Variants in RPS6KA2 observed in about 807,000 individuals in gnomAD.
RPS6KA2 encodes ribosomal protein S6 kinase A2, also known as ribosomal protein S6 kinase alpha-2.
In RPS6KA2, 42 loss-of-function variants were observed where a neutral mutation model predicts 91.8. The ratio of observed to expected loss-of-function variants is 0.46; its 90% CI spans 0.36 to 0.59. RPS6KA2 has a LOEUF of 0.59. Among genes scored for constraint, RPS6KA2 ranks in the 20% least tolerant of loss-of-function variants. The probability of loss-of-function intolerance (pLI) is 0.00; values close to 1 mark genes in which losing one functional copy is unlikely to be tolerated. For missense variants in RPS6KA2, 798 were observed against 978.5 expected, an observed-to-expected ratio of 0.82 and a Z score of 2.46; for synonymous variants, 414 against 393.6, an observed-to-expected ratio of 1.05 and a Z score of -0.61.
chr6:166,586,592 A>G (rs1785183547), intron 1 of RPS6KA2: 8 of 964,814 alleles, frequency 8.3e-6, no homozygotes, highest in Non-Finnish European at 1.2e-5. Context: ...AGACACTGAG[A>G]AGCCCAGGAG....
In RPS6KA2 at chr6:166,783,095, A is replaced by G. The variant is rs370184338; in HGVS notation, c.123+75105T>C. 1.6e-4 allele frequency among the ~76,000 whole-genome samples: 14 copies of G among 89,918 alleles called. 1 individual carries two copies. The highest frequency in any genetic ancestry group is 4.7e-4 in the African/African-American group (12 of 25,420). The allele number at this position is 89,918 out of a possible 152,430, so 59.0% of individuals were successfully genotyped here. A position where few individuals can be genotyped will look rare whatever the true frequency, so the allele number is the denominator to read the frequency against. ...TATTATTATTATTATTATTATTATTATTATTGTTTTTGAGACAGGGCCTCT... is the reference window on the plus strand; with the variant it reads ...TATTATTATTATTATTATTATTATTGTTATTGTTTTTGAGACAGGGCCTCT... On this transcript the variant is annotated intron_variant, in intron 2 of 21. Coordinates refer to the RPS6KA2 transcript ENST00000503859.
At chr6:166,796,659 C>T (rs1779233087) in intron 2 of RPS6KA2, among the ~76,000 whole-genome samples, 1 of 152,218 alleles carries the variant, frequency 6.6e-6, no homozygotes, top group African/African-American at 2.4e-5. Context: ...ATTGGAGCCT[C>T]TCTCCTCTCC....
intron 14 of RPS6KA2, among the ~76,000 whole-genome samples, chr6:166,446,921 C>G (rs1471674001): frequency 6.6e-6 from 1 of 151,204 alleles, no homozygotes; most frequent in Non-Finnish European, 1.5e-5. Flanking sequence ...TGTAGGCTTA[C>G]GAAGCACATG....
At chr6:166,474,514 G>A (rs570261595) in intron 10 of RPS6KA2, among the ~76,000 whole-genome samples, 1 of 152,306 alleles carries the variant, frequency 6.6e-6, no homozygotes, top group African/African-American at 2.4e-5. Flanking sequence ...AGAAGCTACA[G>A]ATGCTCATTA....
chr6:166,827,075 T>C (rs1226862519), intron 2 of RPS6KA2, among the ~76,000 whole-genome samples: 1 of 151,862 alleles, frequency 6.6e-6, no homozygotes, highest in Non-Finnish European at 1.5e-5. Flanking sequence ...TTATGTAGGA[T>C]GATAAGTTGT....
At chr6:166,532,844 A>AGTGTGT (rs369394546) in intron 2 of RPS6KA2, among the ~76,000 whole-genome samples, 4 of 149,480 alleles carry the variant, frequency 2.7e-5, no homozygotes, top group Admixed American at 6.6e-5. Context: ...AGAGAGAGAG[A>AGTGTGT]GTGTGTGTGT....
intron 2 of RPS6KA2, among the ~76,000 whole-genome samples, chr6:166,838,683 T>G (rs1780381747): frequency 6.6e-6 from 1 of 152,196 alleles, no homozygotes; most frequent in Non-Finnish European, 1.5e-5. Context: ...GTGTCAGTCT[T>G]GTTTTCTTGC....
At chr6:166,516,451 C>T (rs917520231) in intron 3 of RPS6KA2, among the ~76,000 whole-genome samples, 3 of 152,114 alleles carry the variant, frequency 2.0e-5, no homozygotes, top group African/African-American at 7.2e-5. Context: ...AGTGACTGCA[C>T]ACAGTGGGAG....
intron 14 of RPS6KA2, among the ~76,000 whole-genome samples, chr6:166,447,139 G>A (rs1240345844): frequency 6.6e-6 from 1 of 152,134 alleles, no homozygotes; most frequent in Admixed American, 6.5e-5. Flanking sequence ...AGAAACGCAT[G>A]AAGCCTACGC....
intron 2 of RPS6KA2, among the ~76,000 whole-genome samples, chr6:166,790,816 G>C (rs548856189): frequency 4.6e-5 from 7 of 152,262 alleles, no homozygotes; most frequent in African/African-American, 1.4e-4. Flanking sequence ...CAAATGCTGA[G>C]AGATTTTGTC....
chr6:166,470,548 G>C (rs1461336989), intron 10 of RPS6KA2, among the ~76,000 whole-genome samples: 13 of 152,208 alleles, frequency 8.5e-5, no homozygotes, highest in Admixed American at 8.5e-4. Flanking sequence ...CTAAGGCCCT[G>C]GGGCAGAAAG....
chr6:166,545,602 G>T (rs1267378298), intron 1 of RPS6KA2, among the ~76,000 whole-genome samples: 2 of 151,898 alleles, frequency 1.3e-5, no homozygotes, highest in East Asian at 1.9e-4. Flanking sequence ...TTGCCTTTCT[G>T]CCTCCCCACC....
intron 2 of RPS6KA2, among the ~76,000 whole-genome samples, chr6:166,692,522 T>A (rs1012370715): frequency 6.6e-6 from 1 of 151,776 alleles, no homozygotes; most frequent in Non-Finnish European, 1.5e-5. Context: ...AGTTTAAAGA[T>A]ACATAGGAAC....
Position 166,737,077 on chromosome 6 carries a change from G to T in RPS6KA2, c.123+121123C>A, listed in dbSNP as rs1480978632. The stretch of plus-strand genomic sequence containing the variant: ...ATGGAGCCTACGCTTTTTTACAGAC[G>T]CAAAAAGATAGATGCACATTCTTTG... On this transcript the variant is annotated intron_variant, in intron 2 of 21. Coordinates refer to the RPS6KA2 transcript ENST00000503859. The surrounding 1 kb of genome is among the most constrained non-coding windows in gnomAD (Gnocchi z 4.3). Among the ~76,000 whole-genome samples the T allele has an allele frequency of 2.0e-5, 3 of 152,138 alleles. No individual in the cohort carries two copies. The highest frequency in any genetic ancestry group is 4.4e-5 in the Non-Finnish European group (3 of 68,016).
At chr6:166,667,528 G>T (rs957753477) in intron 2 of RPS6KA2, among the ~76,000 whole-genome samples, 2 of 152,202 alleles carry the variant, frequency 1.3e-5, no homozygotes, top group African/African-American at 4.8e-5. Flanking sequence ...CGCCATAGAT[G>T]AGATGTACAG....
rs373463109 is a variant in RPS6KA2, at chr6:166,566,579, T to C, written c.100-27795A>G. Among the ~76,000 whole-genome samples, 97 of 152,344 alleles carry C rather than the reference T, an allele frequency of 6.4e-4. 2 individuals are homozygous for C. In the South Asian group the frequency reaches 0.019, roughly 31 times the overall value. On this transcript the variant is annotated intron_variant, in intron 1 of 20. Transcript: ENST00000265678. ...TGGCCCTCTCCCAAGCTCCATGCGATGCTATGGTCCCTGGAAGTCCATGCT... is the reference window on the plus strand; with the variant it reads ...TGGCCCTCTCCCAAGCTCCATGCGACGCTATGGTCCCTGGAAGTCCATGCT...
intron 2 of RPS6KA2, among the ~76,000 whole-genome samples, chr6:166,641,050 G>A (rs1026579046): frequency 5.3e-5 from 8 of 152,308 alleles, no homozygotes; most frequent in Admixed American, 3.9e-4. Flanking sequence ...GTTTTTAGAG[G>A]TTCCAGATTG....
At chr6:166,782,975 C>A (rs769064118) in intron 2 of RPS6KA2, among the ~76,000 whole-genome samples, 17 of 151,990 alleles carry the variant, frequency 1.1e-4, no homozygotes, top group Admixed American at 2.6e-4. Context: ...TAATTTGTGT[C>A]CACTTGGCTG....
chr6:166,617,467 C>T (rs976206186), intron 1 of RPS6KA2, among the ~76,000 whole-genome samples: 1 of 152,092 alleles, frequency 6.6e-6, no homozygotes, highest in African/African-American at 2.4e-5. Context: ...ATTTTTTCTA[C>T]AGAAAATTTT....
Sources: allele counts gnomAD v4.1 joint callset (sites outside exome capture counted in the v4.1 genomes callset), GRCh38; gene constraint gnomAD v4.1.1; non-coding constraint Gnocchi (gnomAD v3.1); transcripts MANE v1.5; gene names NCBI Gene and HGNC (gene_info 2026-07-23, HGNC 2026-07-21).